The following PBRM1 variants were observed in gnomAD, a reference collection of about 807,000 sequenced individuals.
PBRM1 encodes protein polybromo-1.
A neutral mutation model predicts 194.5 loss-of-function variants in PBRM1; 27 were observed. That is an observed-to-expected ratio of 0.14 (90% CI 0.10 to 0.19). The LOEUF (loss-of-function observed/expected upper bound fraction) is 0.19. Ranked by LOEUF, PBRM1 falls within the 10% of genes least tolerant of loss-of-function variation. The probability of loss-of-function intolerance (pLI) is 1.00; values close to 1 mark genes in which losing one functional copy is unlikely to be tolerated. For missense variants in PBRM1, 1,466 were observed against 2,077.2 expected (o/e 0.71, Z 5.72); for synonymous variants, 655 against 693.2 (o/e 0.94, Z 0.87).
chr3:52,596,436 C>CAA lies in PBRM1; in HGVS notation c.2779+7083_2779+7084dup, dbSNP rs763007814. ...CTGGCGACAGAGTGAGACTCCGTCT[C>CAA]AAAAAAAAAAAAAAAAAAAAAAAAA... On this transcript the variant is annotated intron_variant, in intron 17 of 29. Coordinates refer to ENST00000296302, the Ensembl canonical transcript of PBRM1. Among the ~76,000 whole-genome samples the CAA allele has an allele frequency of 1.3e-3, 63 of 50,372 alleles. 12 individuals are homozygous for CAA. Among genetic ancestry groups the CAA allele is most frequent in the African/African-American group, 1.3e-3 (16 of 12,078 alleles). The allele number at this position is 50,372 out of a possible 152,430, so 33.0% of individuals were successfully genotyped here. A position where few individuals can be genotyped will look rare whatever the true frequency, so the allele number is the denominator to read the frequency against.
chr3:52,603,420 G>A (rs2094138293), intron 17 of PBRM1, 101 bp downstream of exon 19: 2 of 1,238,600 alleles, frequency 1.6e-6, no homozygotes, highest in South Asian at 1.5e-5. Context: ...AATACCCTGA[G>A]TTTTCATTCA....
At chr3:52,583,712 C>T (rs1348723490) in intron 20 of PBRM1, among the ~76,000 whole-genome samples, 2 of 151,946 alleles carry the variant, frequency 1.3e-5, no homozygotes, top group Admixed American at 1.3e-4. Context: ...ATAAAATGAT[C>T]AATGGTTTTA....
chr3:52,620,278 T>G (rs2095213689), intron 13 of PBRM1, among the ~76,000 whole-genome samples: 1 of 152,194 alleles, frequency 6.6e-6, no homozygotes, highest in African/African-American at 2.4e-5. Flanking sequence ...GACTTTGAAG[T>G]CAGATGTGGT....
intron 22 of PBRM1, among the ~76,000 whole-genome samples, chr3:52,575,277 A>G (rs549758435): frequency 5.3e-4 from 80 of 152,290 alleles, no homozygotes; most frequent in Non-Finnish European, 9.3e-4. Flanking sequence ...TGAACAAACA[A>G]CCATAACCTA....
chr3:52,601,731 G>C (rs769942794), intron 17 of PBRM1, among the ~76,000 whole-genome samples: 14 of 152,238 alleles, frequency 9.2e-5, no homozygotes, highest in Admixed American at 6.5e-4. Flanking sequence ...CAATTCCTGG[G>C]ACTCCAGCTG....
At chr3:52,590,355 T>C (rs71299605) in intron 17 of PBRM1, among the ~76,000 whole-genome samples, 5 of 151,628 alleles carry the variant, frequency 3.3e-5, no homozygotes, top group East Asian at 2.0e-4. Context: ...ACTTGGGAGG[T>C]TGAGACAGAA....
chr3:52,626,251 T>C (rs1268611858), intron 13 of PBRM1, among the ~76,000 whole-genome samples: 2 of 152,222 alleles, frequency 1.3e-5, no homozygotes, highest in African/African-American at 2.4e-5. Context: ...ATGAAATTCA[T>C]AGGCCAGTAA....
intron 11 of PBRM1, among the ~76,000 whole-genome samples, chr3:52,633,837 C>T (rs1022085050): frequency 1.3e-4 from 20 of 152,162 alleles, no homozygotes; most frequent in African/African-American, 4.6e-4. Flanking sequence ...AAGACCTTTG[C>T]CCATTTCTGA....
intron 24 of PBRM1, 21 bp from the exon 27 acceptor site, chr3:52,561,989 A>C: frequency 6.3e-7 from 1 of 1,587,092 alleles, no homozygotes; most frequent in Non-Finnish European, 8.7e-7. Context: ...GAAAGGTCTT[A>C]TGGTGCATCA....
chr3:52,580,555 G>A (rs747272133), intron 20 of PBRM1, among the ~76,000 whole-genome samples: 18 of 152,046 alleles, frequency 1.2e-4, no homozygotes, highest in Non-Finnish European at 2.9e-5. Context: ...GTAGAGACGG[G>A]GTTTCACTGT....
At chr3:52,684,345 A>C (rs2097272060), upstream of PBRM1, among the ~76,000 whole-genome samples, 1 of 152,170 alleles carries the variant, frequency 6.6e-6, no homozygotes, top group African/African-American at 2.4e-5. Flanking sequence ...AGTTAAGAAT[A>C]CTTAATAATG....
chr3:52,677,171 A>C (rs978997637), intron 2 of PBRM1, among the ~76,000 whole-genome samples: 1 of 152,220 alleles, frequency 6.6e-6, no homozygotes, highest in Non-Finnish European at 1.5e-5. Context: ...ATGACACCAA[A>C]GGCACAGGCA....
At chr3:52,643,573 G>A (rs1399868225) in intron 8 of PBRM1, among the ~76,000 whole-genome samples, 2 of 152,168 alleles carry the variant, frequency 1.3e-5, no homozygotes, top group African/African-American at 4.8e-5. Flanking sequence ...CAGAGGACCT[G>A]GTACTGAAAC....
chr3:52,637,433 AC>A (rs1349189270), intron 10 of PBRM1, among the ~76,000 whole-genome samples: 2 of 152,006 alleles, frequency 1.3e-5, no homozygotes, highest in African/African-American at 4.8e-5. Flanking sequence ...GGCGTTTGAG[AC>A]CAGTATGGGC....
intron 13 of PBRM1, among the ~76,000 whole-genome samples, chr3:52,626,226 T>A (rs180978230): frequency 6.6e-6 from 1 of 152,294 alleles, no homozygotes; most frequent in Admixed American, 6.5e-5. Context: ...AACAAGGAAT[T>A]AAGAACTTGG....
chr3:52,593,266 T>G (rs2093269637), intron 17 of PBRM1, among the ~76,000 whole-genome samples: 1 of 152,200 alleles, frequency 6.6e-6, no homozygotes, highest in African/African-American at 2.4e-5. Flanking sequence ...TTTCTTTTTT[T>G]TTTTAAACAA....
At chr3:52,576,564 G>A (rs2153658922) in exon 22 of PBRM1, 2 of 1,606,286 alleles carry the variant, frequency 1.2e-6, no homozygotes, top group Non-Finnish European at 1.7e-6. Flanking sequence ...CATGGGGCAG[G>A]TTTCTTCCAG....
chr3:52,641,053 A>G (rs1209901632), intron 10 of PBRM1, among the ~76,000 whole-genome samples: 2 of 152,198 alleles, frequency 1.3e-5, no homozygotes, highest in Non-Finnish European at 2.9e-5. Context: ...CTGTAGATCA[A>G]TGTTTCAAAA....
chr3:52,548,704 G>C (rs1327987647), intron 29 of PBRM1, among the ~76,000 whole-genome samples: 1 of 152,148 alleles, frequency 6.6e-6, no homozygotes, highest in Non-Finnish European at 1.5e-5. Context: ...GGGATTACAG[G>C]TGTGAGCCAC....
Sources: gnomAD v4.1 joint callset for allele counts (sites outside exome capture counted in the v4.1 genomes callset) on GRCh38, gnomAD v4.1.1 for gene constraint, MANE v1.5 for transcripts, NCBI Gene and HGNC (gene_info 2026-07-23, HGNC 2026-07-21) for gene names.